Variants in CENPC observed in about 807,000 individuals in gnomAD.
The protein encoded by CENPC is centromere protein C.
CENPC carries 63 observed loss-of-function variants against 112.1 expected under a neutral mutation model. That is an observed-to-expected ratio of 0.56 (90% CI 0.46 to 0.69). The LOEUF (loss-of-function observed/expected upper bound fraction) is 0.69. Among genes scored for constraint, CENPC ranks in the 30% least tolerant of loss-of-function variants. The pLI is 0.00. For missense variants in CENPC, 1,000 were observed against 1,103.8 expected, an observed-to-expected ratio of 0.91 and a Z score of 1.33; for synonymous variants, 333 against 367.6, an observed-to-expected ratio of 0.91 and a Z score of 1.08.
chr4:67,482,417 G>A (rs1577972217), intron 17 of CENPC, among the ~76,000 whole-genome samples: 1 of 152,280 alleles, frequency 6.6e-6, no homozygotes, highest in South Asian at 2.1e-4. Context: ...CAGAAGAAAA[G>A]TGAGTCATTA....
intron 5 of CENPC, among the ~76,000 whole-genome samples, chr4:67,528,408 T>C (rs1172647007): frequency 6.6e-6 from 1 of 152,158 alleles, no homozygotes; most frequent in Non-Finnish European, 1.5e-5. Context: ...TGTGCAACCA[T>C]CATCATTTCT....
intron 12 of CENPC, among the ~76,000 whole-genome samples, chr4:67,498,913 C>A (rs1284581297): frequency 6.6e-6 from 1 of 152,240 alleles, no homozygotes; most frequent in African/African-American, 2.4e-5. Flanking sequence ...AGAGGAATCA[C>A]TACTTGTGGC....
intron 4 of CENPC, among the ~76,000 whole-genome samples, chr4:67,538,079 T>C (rs1291598778): frequency 2.0e-5 from 3 of 152,100 alleles, no homozygotes; most frequent in Non-Finnish European, 4.4e-5. Context: ...AAAGAAACAA[T>C]AGTGGTTCAT....
chr4:67,531,655 AG>A (rs767071708), intron 4 of CENPC, among the ~76,000 whole-genome samples: 11 of 152,184 alleles, frequency 7.2e-5, no homozygotes, highest in Non-Finnish European at 8.8e-5. Flanking sequence ...GAGTTTCAAA[AG>A]GCTTCTCTGA....
intron 11 of CENPC, among the ~76,000 whole-genome samples, chr4:67,505,951 C>T (rs1394425678): frequency 6.6e-6 from 1 of 151,782 alleles, no homozygotes; most frequent in Non-Finnish European, 1.5e-5. Flanking sequence ...AAAAATATAG[C>T]CAAAAACCAA....
chr4:67,502,667 T>C (rs575405821), intron 12 of CENPC, among the ~76,000 whole-genome samples: 12 of 152,220 alleles, frequency 7.9e-5, no homozygotes, highest in African/African-American at 2.9e-4. Context: ...AAAGAATACA[T>C]AGGTTGAGAA....
chr4:67,532,664 G>A (rs977725194), intron 4 of CENPC, among the ~76,000 whole-genome samples: 5 of 151,580 alleles, frequency 3.3e-5, no homozygotes, highest in African/African-American at 9.7e-5. Flanking sequence ...ACCAAACATC[G>A]CATGTTCTCA....
chr4:67,545,320 CG>C lies in CENPC; in HGVS notation c.18+17del, dbSNP rs1324992384. 6.1e-6 allele frequency: 9 copies of C among 1,470,772 alleles called. No homozygotes were observed. The highest frequency in any genetic ancestry group is 2.3e-5 in the Admixed American group (1 of 42,560). The allele number at this position is 1,470,772 out of a possible 1,614,324, so 91.1% of individuals were successfully genotyped here. A position where few individuals can be genotyped will look rare whatever the true frequency, so the allele number is the denominator to read the frequency against. ...CAGCCGCTCAACCACTCGCCTGGAG[CG>C]GGGGGCCTGCACTTACCAGACCGGA... On this transcript the variant is annotated intron_variant, in intron 1 of 18. Coordinates refer to ENST00000273853, the MANE Select transcript of CENPC (RefSeq NM_001812.4).
chr4:67,491,226 T>A (rs1419314824), intron 16 of CENPC, among the ~76,000 whole-genome samples: 1 of 149,912 alleles, frequency 6.7e-6, no homozygotes, highest in Non-Finnish European at 1.5e-5. Flanking sequence ...CAGGCTGAAG[T>A]GCAGTGGCAT....
chr4:67,492,791 A>AT, intron 15 of CENPC, 78 bp downstream of exon 15: 1 of 1,411,018 alleles, frequency 7.1e-7, no homozygotes, highest in Non-Finnish European at 9.4e-7. Flanking sequence ...TAAATTTCAT[A>AT]TTTTGCAAAG....
intron 7 of CENPC, among the ~76,000 whole-genome samples, chr4:67,515,504 G>C (rs72924972): frequency 0.01 from 1,529 of 151,548 alleles, 62 homozygotes; most frequent in African/African-American, 0.036. Context: ...AGAGATTGGG[G>C]ACAATTTCTT....
intron 17 of CENPC, among the ~76,000 whole-genome samples, chr4:67,477,849 T>C (rs1158379358): frequency 6.6e-6 from 1 of 151,736 alleles, no homozygotes; most frequent in African/African-American, 2.4e-5. Flanking sequence ...ATAGATAGCA[T>C]AAATAAAAAA....
At chr4:67,539,977 AAT>A in intron 3 of CENPC, 43 bp from the exon 4 acceptor site, 1 of 1,004,380 alleles carries the variant, frequency 1.0e-6, no homozygotes, top group South Asian at 1.7e-5. Context: ...GATATAGTGT[AAT>A]ATCTATTAGT....
chr4:67,507,925 T>C (rs1489316771), intron 10 of CENPC, among the ~76,000 whole-genome samples: 1 of 152,160 alleles, frequency 6.6e-6, no homozygotes, highest in Non-Finnish European at 1.5e-5. Context: ...CTTTATGCAC[T>C]ATAATGATAT....
At chr4:67,542,342 A>C (rs1163629902) in intron 2 of CENPC, among the ~76,000 whole-genome samples, 1 of 152,198 alleles carries the variant, frequency 6.6e-6, no homozygotes, top group South Asian at 2.1e-4. Flanking sequence ...TATCAGCCAG[A>C]GTTTACTGAT....
intron 8 of CENPC, 70 bp downstream of exon 8, chr4:67,514,004 A>C: frequency 1.4e-6 from 2 of 1,406,892 alleles, no homozygotes; most frequent in Non-Finnish European, 1.9e-6. Flanking sequence ...TGCCAAAGCT[A>C]AGTTAGGATA....
chr4:67,508,513 TAA>T (rs34160703), intron 10 of CENPC, among the ~76,000 whole-genome samples: 6 of 91,180 alleles, frequency 6.6e-5, no homozygotes, highest in African/African-American at 1.7e-4. Flanking sequence ...CTCTGTCTCT[TAA>T]AAAAAAAAAA....
chr4:67,522,932 G>A (rs1433576383), intron 5 of CENPC, among the ~76,000 whole-genome samples: 5 of 152,020 alleles, frequency 3.3e-5, no homozygotes, highest in South Asian at 4.2e-4. Flanking sequence ...CTCAGGAGGC[G>A]GAGGTTGCAG....
At chr4:67,496,469 G>A (rs934834790) in intron 12 of CENPC, among the ~76,000 whole-genome samples, 3 of 152,196 alleles carry the variant, frequency 2.0e-5, no homozygotes, top group Non-Finnish European at 4.4e-5. Flanking sequence ...ACCTAAAACT[G>A]CAAATACAAT....
Sources: allele counts gnomAD v4.1 joint callset (sites outside exome capture counted in the v4.1 genomes callset), GRCh38; gene constraint gnomAD v4.1.1; transcripts MANE v1.5; gene names NCBI Gene and HGNC (gene_info 2026-07-23, HGNC 2026-07-21).